Variants in TBC1D2B observed in about 807,000 individuals in gnomAD.
The protein encoded by TBC1D2B is TBC1 domain family, member 2B.
A neutral mutation model predicts 100.8 loss-of-function variants in TBC1D2B; 64 were observed. The observed-to-expected ratio is 0.64, with a 90% CI of 0.52 to 0.78. The LOEUF (loss-of-function observed/expected upper bound fraction) is 0.78, where lower values mean the gene tolerates loss of function less well. Among genes scored for constraint, TBC1D2B ranks in the 30% least tolerant of loss-of-function variants. The probability of loss-of-function intolerance (pLI) is 0.00; values close to 1 mark genes in which losing one functional copy is unlikely to be tolerated. For missense variants in TBC1D2B, 1,052 were observed against 1,218.4 expected (o/e 0.86, Z 2.03); for synonymous variants, 480 against 479.7 (o/e 1.00, Z -0.01).
intron 4 of TBC1D2B, among the ~76,000 whole-genome samples, chr15:78,028,942 T>C (rs949348690): frequency 6.6e-6 from 1 of 152,354 alleles, no homozygotes. Flanking sequence ...GTGGGTCTTG[T>C]TTGAATCCTC....
At chr15:78,039,063 G>A (rs569708662) in intron 3 of TBC1D2B, among the ~76,000 whole-genome samples, 1 of 152,328 alleles carries the variant, frequency 6.6e-6, no homozygotes, top group African/African-American at 2.4e-5. Context: ...GGGCCAAAGA[G>A]CAAGTTGCCT....
At chr15:78,026,551 CTGTTT>C (rs983865459) in intron 4 of TBC1D2B, among the ~76,000 whole-genome samples, 33 of 152,310 alleles carry the variant, frequency 2.2e-4, no homozygotes, top group South Asian at 4.1e-4. Flanking sequence ...CTATGGTATT[CTGTTT>C]TAACAGTATA....
At chr15:78,021,239 C>T (rs1377181370) in intron 6 of TBC1D2B, among the ~76,000 whole-genome samples, 5 of 151,986 alleles carry the variant, frequency 3.3e-5, no homozygotes, top group African/African-American at 4.8e-5. Flanking sequence ...AGCATGAAAA[C>T]TGGTCAAGAA....
At position 77,997,159 on chromosome 15, in the gene TBC1D2B, G is replaced by T. The variant is rs2071784562; in HGVS notation, c.*1001C>A. ...ACCCAGGCAGGTGGAGACACCAGGA[G>T]CACTGGCCATCCCCAAGGAGGCCAT... On this transcript the variant is annotated 3_prime_UTR_variant, in exon 13 of 13. Coordinates refer to ENST00000300584, the MANE Select transcript of TBC1D2B (RefSeq NM_144572.2). 6.6e-6 allele frequency: 1 copy of T among 152,340 alleles called. No individual in the cohort carries two copies. Among genetic ancestry groups the T allele is most frequent in the Non-Finnish European group, 1.5e-5 (1 of 68,114 alleles). The allele number at this position is 152,340 out of a possible 1,614,324, so 9.4% of individuals were successfully genotyped here. A position where few individuals can be genotyped will look rare whatever the true frequency, so the allele number is the denominator to read the frequency against.
intron 3 of TBC1D2B, among the ~76,000 whole-genome samples, chr15:78,042,423 T>C (rs1344411871): frequency 4.0e-5 from 6 of 151,584 alleles, no homozygotes; most frequent in Admixed American, 2.6e-4. Flanking sequence ...CTATGTGATC[T>C]TGAGCAAGTC....
intron 8 of TBC1D2B, among the ~76,000 whole-genome samples, chr15:78,013,802 G>A (rs893546628): frequency 1.3e-5 from 2 of 152,112 alleles, no homozygotes; most frequent in Non-Finnish European, 2.9e-5. Context: ...TGGAACCTGT[G>A]GCTGTTTTAC....
At chr15:78,007,138 T>C (rs975055224) in intron 10 of TBC1D2B, among the ~76,000 whole-genome samples, 2 of 152,186 alleles carry the variant, frequency 1.3e-5, no homozygotes, top group Non-Finnish European at 2.9e-5. Context: ...AGAGGGATTA[T>C]GTAGGAGAGT....
At chr15:78,022,520 AAAAC>A (rs1169501884) in intron 6 of TBC1D2B, among the ~76,000 whole-genome samples, 7 of 150,768 alleles carry the variant, frequency 4.6e-5, no homozygotes, top group African/African-American at 1.5e-4. Context: ...TCTTATTAAA[AAAAC>A]AAACAAACAA....
chr15:78,073,624 T>G (rs1169665341), intron 1 of TBC1D2B, among the ~76,000 whole-genome samples: 3 of 152,136 alleles, frequency 2.0e-5, no homozygotes, highest in Non-Finnish European at 2.9e-5. Flanking sequence ...ACCATAAAGA[T>G]TTTACTCCTA....
chr15:78,064,063 A>C (rs977801495), intron 1 of TBC1D2B, among the ~76,000 whole-genome samples: 1 of 152,128 alleles, frequency 6.6e-6, no homozygotes, highest in African/African-American at 2.4e-5. Flanking sequence ...TCTGGCCCAC[A>C]CTGCCCCACA....
chr15:78,029,745 T>G (rs1176301783), intron 4 of TBC1D2B, among the ~76,000 whole-genome samples: 4 of 152,232 alleles, frequency 2.6e-5, no homozygotes, highest in African/African-American at 9.6e-5. Context: ...TTAAAATCAG[T>G]ATTTCCATAA....
rs372296427 is a variant in TBC1D2B, at chr15:78,025,732, T to C, written c.848-235A>G. On this transcript the variant is annotated intron_variant, in intron 4 of 12. Coordinates refer to ENST00000300584, the MANE Select transcript of TBC1D2B (RefSeq NM_144572.2). Reference sequence around the variant, plus strand: ...CAGTAGAGATGAGGTTTCACTGTGTTAGCCAGGATGGTCTTGATCTCCTGA... The same window carrying C: ...CAGTAGAGATGAGGTTTCACTGTGTCAGCCAGGATGGTCTTGATCTCCTGA... 5.1e-5 allele frequency: 13 copies of C among 255,968 alleles called. No homozygotes were observed. In the East Asian group the frequency reaches 1.1e-3, roughly 22 times the overall value. The allele number at this position is 255,968 out of a possible 1,614,324, so 15.9% of individuals were successfully genotyped here.
At chr15:78,012,747 G>T in intron 9 of TBC1D2B, 76 bp downstream of exon 9, 9 of 1,365,494 alleles carry the variant, frequency 6.6e-6, no homozygotes, top group Middle Eastern at 4.2e-4. Context: ...ACCAGGAAGG[G>T]AGGGAGCTGC....
intron 12 of TBC1D2B, among the ~76,000 whole-genome samples, chr15:78,000,192 AG>A (rs1413858073): frequency 6.6e-6 from 1 of 152,222 alleles, no homozygotes; most frequent in African/African-American, 2.4e-5. Context: ...AGCAAGCTGC[AG>A]GGGAGACCGT....
chr15:78,006,997 A>G (rs1033921719), intron 10 of TBC1D2B, among the ~76,000 whole-genome samples: 1 of 152,230 alleles, frequency 6.6e-6, no homozygotes, highest in Admixed American at 6.5e-5. Context: ...CCTGCACCCG[A>G]GCAGCGGGAA....
intron 3 of TBC1D2B, among the ~76,000 whole-genome samples, chr15:78,032,909 G>A (rs1263997272): frequency 1.3e-5 from 2 of 152,186 alleles, no homozygotes; most frequent in East Asian, 1.9e-4. Flanking sequence ...TGAAGGGGAC[G>A]AGAAGGGGAA....
intron 1 of TBC1D2B, among the ~76,000 whole-genome samples, chr15:78,059,360 A>C (rs1244785708): frequency 6.6e-6 from 1 of 152,210 alleles, no homozygotes; most frequent in Non-Finnish European, 1.5e-5. Context: ...CTACTTCCTC[A>C]ATACTGCTGA....
chr15:78,040,838 A>AGAAAGGAAGAAAGAAAGAAAGAAAG (rs369034180), intron 3 of TBC1D2B, among the ~76,000 whole-genome samples: 3 of 16,568 alleles, frequency 1.8e-4, no homozygotes, highest in Non-Finnish European at 1.8e-4. Context: ...AAAGAAAGAA[A>AGAAAGGAAGAAAGAAAGAAAGAAAG]AAAGAAAGAA....
intron 11 of TBC1D2B, 89 bp from the exon 12 acceptor site, chr15:78,001,829 GGGA>G: frequency 1.4e-6 from 2 of 1,429,428 alleles, no homozygotes; most frequent in Non-Finnish European, 1.9e-6. Flanking sequence ...GGCCCTACTG[GGGA>G]CAGGGGGACA....
Sources: allele counts gnomAD v4.1 joint callset (sites outside exome capture counted in the v4.1 genomes callset), GRCh38; gene constraint gnomAD v4.1.1; transcripts MANE v1.5; gene names NCBI Gene and HGNC (gene_info 2026-07-23, HGNC 2026-07-21).